CUX2: variants seen among roughly 807,000 people sequenced by gnomAD.
The protein encoded by CUX2 is cut like homeobox 2.
In CUX2, 40 loss-of-function variants were observed where a neutral mutation model predicts 144.8. The observed-to-expected ratio is 0.28, with a 90% CI of 0.21 to 0.36. CUX2 has a LOEUF of 0.36. Among genes scored for constraint, CUX2 ranks in the 10% least tolerant of loss-of-function variants. The pLI is 1.00. For synonymous variants in CUX2, 827 were observed against 875.6 expected (o/e 0.94, Z 0.98); for missense variants, 1,615 against 1,994.0 (o/e 0.81, Z 3.62).
chr12:111,248,162 G>A (rs554027456), intron 3 of CUX2, among the ~76,000 whole-genome samples: 116 of 152,244 alleles, frequency 7.6e-4, no homozygotes, highest in African/African-American at 2.6e-3. Context: ...TGGCCTCCCA[G>A]AGTGCCGGGA....
chr12:111,270,862 T>C (rs1463293293), intron 4 of CUX2, among the ~76,000 whole-genome samples: 2 of 152,174 alleles, frequency 1.3e-5, no homozygotes, highest in African/African-American at 4.8e-5. Context: ...GCCCAGGCTA[T>C]AGAGGTTGAC....
chr12:111,217,383 G>A (rs933081964), intron 2 of CUX2, among the ~76,000 whole-genome samples: 3 of 152,172 alleles, frequency 2.0e-5, no homozygotes, highest in Non-Finnish European at 4.4e-5. Flanking sequence ...TGGAGAGGTG[G>A]CTACAGGGTA....
chr12:111,318,965 C>G (rs912365008), intron 16 of CUX2, among the ~76,000 whole-genome samples: 4 of 152,112 alleles, frequency 2.6e-5, no homozygotes, highest in Non-Finnish European at 5.9e-5. Flanking sequence ...GTGCCTGGCC[C>G]ATCCCACTGT....
At chr12:111,211,435 T>C (rs1464478515) in intron 1 of CUX2, among the ~76,000 whole-genome samples, 1 of 152,228 alleles carries the variant, frequency 6.6e-6, no homozygotes, top group East Asian at 1.9e-4. Flanking sequence ...GGCATAATTG[T>C]CTGTGAGGAC....
intron 4 of CUX2, among the ~76,000 whole-genome samples, chr12:111,269,123 A>G (rs1884522450): frequency 1.3e-5 from 2 of 152,250 alleles, no homozygotes; most frequent in African/African-American, 4.8e-5. Context: ...ATTTGGAGGC[A>G]TCAAGGTTCA....
At position 111,293,297 on chromosome 12, in the gene CUX2, G is replaced by GC; in HGVS notation, c.437-146dup. On this transcript the variant is annotated intron_variant, in intron 5 of 21. Coordinates refer to ENST00000261726, the MANE Select transcript of CUX2 (RefSeq NM_015267.4). The surrounding 1 kb of genome is among the most constrained non-coding windows in gnomAD (Gnocchi z 4.5). ...ATGACCTGTGTGCTGAGGACATGCG[G>GC]CCCGCAGGGCCCCACAGCTGCGCTC... 8.2e-7 allele frequency: 1 copy of GC among 1,224,184 alleles called. No individual in the cohort carries two copies. The highest frequency in any genetic ancestry group is 1.1e-6 in the Non-Finnish European group (1 of 906,064). 75.8% of individuals were successfully genotyped at this position (1,224,184 alleles called of 1,614,324 possible).
At chr12:111,121,607 C>T (rs1874700540) in intron 1 of CUX2, among the ~76,000 whole-genome samples, 1 of 151,788 alleles carries the variant, frequency 6.6e-6, no homozygotes, top group Non-Finnish European at 1.5e-5. Flanking sequence ...AGGGATCCGC[C>T]CATCTCTGCC....
At chr12:111,050,066 T>C (rs1187999419) in intron 1 of CUX2, among the ~76,000 whole-genome samples, 1 of 152,116 alleles carries the variant, frequency 6.6e-6, no homozygotes, top group East Asian at 1.9e-4. Flanking sequence ...ACCCTTCACC[T>C]ACATCCTCCT....
intron 1 of CUX2, among the ~76,000 whole-genome samples, chr12:111,138,170 A>G (rs1018661606): frequency 3.3e-5 from 5 of 152,352 alleles, no homozygotes; most frequent in Admixed American, 6.5e-5. Context: ...AGCAGATGCC[A>G]GTCTCGCTCC....
chr12:111,067,131 G>A (rs946334324), intron 1 of CUX2, among the ~76,000 whole-genome samples: 1 of 152,146 alleles, frequency 6.6e-6, no homozygotes. Flanking sequence ...CACTATTCCT[G>A]TAGTGACCTT....
chr12:111,197,812 G>GCATGTGAACATATGCCCC, intron 1 of CUX2, among the ~76,000 whole-genome samples: 1 of 152,172 alleles, frequency 6.6e-6, no homozygotes, highest in Non-Finnish European at 1.5e-5. Context: ...TTCACACAGT[G>GCATGTGAACATATGCCCC]AAATAACACA....
chr12:111,265,586 G>A (rs534685199), intron 4 of CUX2, among the ~76,000 whole-genome samples: 1 of 151,840 alleles, frequency 6.6e-6, no homozygotes, highest in African/African-American at 2.4e-5. Context: ...CAAGTGATCC[G>A]CCCACCTCAG....
chr12:111,098,847 T>A (rs12317840), intron 1 of CUX2, among the ~76,000 whole-genome samples: 54 of 152,348 alleles, frequency 3.5e-4, no homozygotes, highest in African/African-American at 1.3e-3. Flanking sequence ...CATTTATTCA[T>A]GCACTTAGCA....
At chr12:111,184,120 G>T (rs1321393161) in intron 1 of CUX2, among the ~76,000 whole-genome samples, 1 of 152,166 alleles carries the variant, frequency 6.6e-6, no homozygotes, top group Non-Finnish European at 1.5e-5. Flanking sequence ...CCCTTTGAGG[G>T]GCAAGCTGGC....
intron 3 of CUX2, among the ~76,000 whole-genome samples, chr12:111,247,933 C>G (rs1883356498): frequency 1.3e-5 from 2 of 152,206 alleles, no homozygotes; most frequent in East Asian, 3.9e-4. Flanking sequence ...GAGACAGAGT[C>G]TCTTGCTCTG....
chr12:111,263,821 C>A lies in CUX2; in HGVS notation c.283C>A (p.Gln95Lys). 6.2e-7 allele frequency: 1 copy of A among 1,613,970 alleles called. No homozygotes were observed. Among genetic ancestry groups the A allele is most frequent in the Non-Finnish European group, 8.5e-7 (1 of 1,179,874 alleles). ...AEAAFLSVYK[Q>K]LIEAPDPVPV... ...GGCTGCTTTTCTGAGTGTTTACAAGCAATTAATTGAAGCACCAGGTAAGAA... is the reference window on the plus strand; with the variant it reads ...GGCTGCTTTTCTGAGTGTTTACAAGAAATTAATTGAAGCACCAGGTAAGAA... Residue 95 changes from glutamine to lysine, a missense_variant, in exon 4 of 22, where the codon CAA becomes AAA. Coordinates refer to ENST00000261726, the MANE Select transcript of CUX2 (RefSeq NM_015267.4). This position sits in a 1 kb window ranked among gnomAD's most constrained non-coding sequence, Gnocchi z 4.0.
rs533649859 is a variant in CUX2 at position 111,349,397 on chromosome 12, C to T, written c.*1072C>T. 46 of 152,298 alleles carry T rather than the reference C, an allele frequency of 3.0e-4. No individual in the cohort carries two copies. Among genetic ancestry groups the T allele is most frequent in the African/African-American group, 9.1e-4 (38 of 41,544 alleles). The allele number at this position is 152,298 out of a possible 1,614,324, so 9.4% of individuals were successfully genotyped here. A position where few individuals can be genotyped will look rare whatever the true frequency, so the allele number is the denominator to read the frequency against. On this transcript the variant is annotated 3_prime_UTR_variant, in exon 22 of 22. Transcript: ENST00000261726. ...TTCCGAAAGTGACAGTGTTGGTCAT[C>T]CCATGACCACTGAAGCTTAGTAACC... is the stretch of plus-strand genomic sequence containing the variant.
At chr12:111,268,397 C>G (rs1884485762) in intron 4 of CUX2, among the ~76,000 whole-genome samples, 1 of 152,182 alleles carries the variant, frequency 6.6e-6, no homozygotes, top group Admixed American at 6.5e-5. Flanking sequence ...CTCAAAGACA[C>G]TTTGAATAAA....
intron 4 of CUX2, among the ~76,000 whole-genome samples, chr12:111,266,283 C>G (rs1279046011): frequency 2.0e-5 from 3 of 151,868 alleles, no homozygotes; most frequent in Non-Finnish European, 4.4e-5. Flanking sequence ...TCAAGACAAC[C>G]CTGGTCAACA....
Sources: allele counts gnomAD v4.1 joint callset (sites outside exome capture counted in the v4.1 genomes callset), GRCh38; gene constraint gnomAD v4.1.1; non-coding constraint Gnocchi (gnomAD v3.1); transcripts MANE v1.5; gene names NCBI Gene and HGNC (gene_info 2026-07-23, HGNC 2026-07-21).